Variants in ANKRD11 observed in about 807,000 individuals in gnomAD.
ANKRD11 encodes ankyrin repeat domain 11.
A neutral mutation model predicts 195.7 loss-of-function variants in ANKRD11; 17 were observed. That is an observed-to-expected ratio of 0.09 (90% CI 0.06 to 0.13). The LOEUF is 0.13. Among genes scored for constraint, ANKRD11 ranks in the 10% least tolerant of loss-of-function variants. The pLI is 1.00. For synonymous variants in ANKRD11, 1,953 were observed against 1,528.1 expected (o/e 1.28, Z -6.49); for missense variants, 3,735 against 3,566.1 (o/e 1.05, Z -1.21).
At chr16:89,397,940 C>A (rs2041517278) in intron 2 of ANKRD11, among the ~76,000 whole-genome samples, 1 of 152,244 alleles carries the variant, frequency 6.6e-6, no homozygotes, top group Non-Finnish European at 1.5e-5. Context: ...GACCCTCAGA[C>A]ACTGATCTCC....
intron 1 of ANKRD11, among the ~76,000 whole-genome samples, chr16:89,444,029 C>T (rs2043662524): frequency 6.6e-6 from 1 of 152,122 alleles, no homozygotes; most frequent in Admixed American, 6.6e-5. Context: ...TTCCATAGTA[C>T]CCTGTAACTC....
At chr16:89,358,530 C>A (rs1053961194) in intron 2 of ANKRD11, among the ~76,000 whole-genome samples, 1 of 152,206 alleles carries the variant, frequency 6.6e-6, no homozygotes, top group African/African-American at 2.4e-5. Context: ...ATCATCACTA[C>A]GCATTGCATG....
At chr16:89,445,676 T>TA (rs1491493654) in intron 1 of ANKRD11, among the ~76,000 whole-genome samples, 3 of 152,074 alleles carry the variant, frequency 2.0e-5, no homozygotes, top group Admixed American at 6.6e-5. Flanking sequence ...TGTATTTTTT[T>TA]AAAAAAACGA....
intron 1 of ANKRD11, among the ~76,000 whole-genome samples, chr16:89,473,800 T>A (rs758490539): frequency 6.6e-6 from 1 of 152,166 alleles, no homozygotes; most frequent in Non-Finnish European, 1.5e-5. Flanking sequence ...TGTAGCCACC[T>A]TGCCCGGAGT....
intron 1 of ANKRD11, among the ~76,000 whole-genome samples, chr16:89,444,272 T>C (rs1469854866): frequency 1.3e-5 from 2 of 152,072 alleles, no homozygotes; most frequent in Non-Finnish European, 2.9e-5. Flanking sequence ...ACTGTCTCCA[T>C]GAGATAAATG....
intron 2 of ANKRD11, among the ~76,000 whole-genome samples, chr16:89,417,962 C>T (rs1364616388): frequency 1.3e-5 from 2 of 152,208 alleles, no homozygotes; most frequent in South Asian, 2.1e-4. Context: ...TCAGTCATCA[C>T]CAGACCATCT....
At chr16:89,409,172 G>A (rs770151380) in intron 2 of ANKRD11, among the ~76,000 whole-genome samples, 30 of 152,162 alleles carry the variant, frequency 2.0e-4, no homozygotes, top group Middle Eastern at 3.2e-3. Flanking sequence ...TGAAGCCGAC[G>A]GTCTGAGGAA....
intron 2 of ANKRD11, among the ~76,000 whole-genome samples, chr16:89,347,209 G>A (rs1182405652): frequency 2.0e-5 from 3 of 152,200 alleles, no homozygotes; most frequent in African/African-American, 7.2e-5. Flanking sequence ...CCTGGGTGAG[G>A]GCTTCTTTCA....
intron 12 of ANKRD11, among the ~76,000 whole-genome samples, chr16:89,268,951 C>G (rs1437441928): frequency 6.6e-6 from 1 of 152,264 alleles, no homozygotes; most frequent in Non-Finnish European, 1.5e-5. Context: ...GCCTGGGACT[C>G]ACCTCCAGCA....
At chr16:89,391,360 C>T (rs983701570) in intron 2 of ANKRD11, among the ~76,000 whole-genome samples, 5 of 152,050 alleles carry the variant, frequency 3.3e-5, no homozygotes, top group Non-Finnish European at 7.4e-5. Flanking sequence ...GGCAGTCTTG[C>T]GGGACTCAGT....
chr16:89,360,049 C>T (rs1478552139), intron 2 of ANKRD11, among the ~76,000 whole-genome samples: 1 of 152,140 alleles, frequency 6.6e-6, no homozygotes, highest in Non-Finnish European at 1.5e-5. Context: ...GCTCCTCTCC[C>T]TCCTCCCGCC....
intron 1 of ANKRD11, among the ~76,000 whole-genome samples, chr16:89,438,408 C>T (rs1037136347): frequency 3.3e-5 from 5 of 152,050 alleles, no homozygotes; most frequent in African/African-American, 1.2e-4. Context: ...CAGCCTCCGC[C>T]TCCTGGGTTC....
chr16:89,271,110 C>T (rs368390214), intron 11 of ANKRD11: 17 of 625,024 alleles, frequency 2.7e-5, no homozygotes, highest in Admixed American at 4.4e-5. Context: ...CCCTAAAATG[C>T]GCGTGGAGGC....
chr16:89,342,865 C>T (rs567625426), intron 2 of ANKRD11, among the ~76,000 whole-genome samples: 1 of 152,284 alleles, frequency 6.6e-6, no homozygotes, highest in South Asian at 2.1e-4. Context: ...TTATGCCCAA[C>T]TGGCAAAGGA....
At chr16:89,365,147 T>C (rs1246230273) in intron 2 of ANKRD11, among the ~76,000 whole-genome samples, 1 of 152,208 alleles carries the variant, frequency 6.6e-6, no homozygotes, top group Non-Finnish European at 1.5e-5. Context: ...TCCTTTTTAC[T>C]AGATGATTAA....
intron 1 of ANKRD11, among the ~76,000 whole-genome samples, chr16:89,472,184 C>G (rs1185863397): frequency 6.6e-6 from 1 of 152,154 alleles, no homozygotes; most frequent in Non-Finnish European, 1.5e-5. Context: ...GCTGTCAACA[C>G]TGCCCAATAA....
chr16:89,443,704 A>T (rs975618301), intron 1 of ANKRD11, among the ~76,000 whole-genome samples: 1 of 152,260 alleles, frequency 6.6e-6, no homozygotes, highest in African/African-American at 2.4e-5. Context: ...TGCAATTCTT[A>T]AGAGCGGGAA....
intron 2 of ANKRD11, among the ~76,000 whole-genome samples, chr16:89,334,624 G>A (rs1325042350): frequency 6.6e-6 from 1 of 152,072 alleles, no homozygotes; most frequent in African/African-American, 2.4e-5. Flanking sequence ...AGCAAGCAGA[G>A]CCCAGCGCAG....
intron 7 of ANKRD11, 186 bp from the exon 8 acceptor site, chr16:89,286,372 G>A: frequency 7.1e-6 from 6 of 840,568 alleles, no homozygotes; most frequent in Non-Finnish European, 1.1e-5. Context: ...TGGTGGGCGA[G>A]GCTGTGGCTC....
Sources: allele counts gnomAD v4.1 joint callset (sites outside exome capture counted in the v4.1 genomes callset), GRCh38; gene constraint gnomAD v4.1.1; transcripts MANE v1.5; gene names NCBI Gene and HGNC (gene_info 2026-07-23, HGNC 2026-07-21).